PTPRD: variants seen among roughly 807,000 people sequenced by gnomAD.
The protein encoded by PTPRD is protein tyrosine phosphatase receptor type D.
Under a neutral mutation model 214.5 loss-of-function variants are expected in PTPRD, and 34 were observed. The observed-to-expected ratio is 0.16, with a 90% CI of 0.12 to 0.21. The LOEUF (loss-of-function observed/expected upper bound fraction) is 0.21, where lower values mean the gene tolerates loss of function less well. Among genes scored for constraint, PTPRD ranks in the 10% least tolerant of loss-of-function variants. The pLI is 1.00. For synonymous variants in PTPRD, 1,128 were observed against 845.7 expected (o/e 1.33, Z -5.79); for missense variants, 2,545 against 2,398.7 (o/e 1.06, Z -1.27).
At chr9:9,384,566 A>C (rs191287440) in intron 9 of PTPRD, among the ~76,000 whole-genome samples, 1 of 151,308 alleles carries the variant, frequency 6.6e-6, no homozygotes, top group East Asian at 1.9e-4. Flanking sequence ...ACTTGTAACA[A>C]CTTTTCTAAT....
intron 4 of PTPRD, among the ~76,000 whole-genome samples, chr9:9,960,074 T>G (rs984525325): frequency 6.6e-6 from 1 of 151,950 alleles, no homozygotes; most frequent in Non-Finnish European, 1.5e-5. Context: ...AAAAAGAAAT[T>G]AGGGCTCCTT....
rs181926102 is a variant in PTPRD, at chr9:10,001,670, T to C, written c.-472+32048A>G. Among the ~76,000 whole-genome samples, 282 of 152,140 alleles carry C rather than the reference T, an allele frequency of 1.9e-3. 2 individuals carry two copies. The highest frequency in any genetic ancestry group is 6.3e-3 in the African/African-American group (260 of 41,532). On this transcript the variant is annotated intron_variant, in intron 4 of 45. Coordinates refer to ENST00000381196, the MANE Select transcript of PTPRD (RefSeq NM_002839.4). ...CCTAACAAAATTATTTTTTAAAACA[T>C]AGGAGAAATAATAAAATAAATGGTT...
chr9:10,051,988 A>T (rs934676830), intron 3 of PTPRD, among the ~76,000 whole-genome samples: 1 of 152,060 alleles, frequency 6.6e-6, no homozygotes, highest in Non-Finnish European at 1.5e-5. Context: ...TCTGTTACCC[A>T]GGCTGGAGTA....
intron 3 of PTPRD, among the ~76,000 whole-genome samples, chr9:10,080,416 T>G (rs2098217116): frequency 6.6e-6 from 1 of 152,128 alleles, no homozygotes; most frequent in Non-Finnish European, 1.5e-5. Context: ...AAACCACTTG[T>G]CATTGCTACA....
intron 4 of PTPRD, among the ~76,000 whole-genome samples, chr9:9,966,725 T>TTTA (rs2094729012): frequency 6.6e-6 from 1 of 152,110 alleles, no homozygotes; most frequent in South Asian, 2.1e-4. Flanking sequence ...GTACACTCCT[T>TTTA]CGGTCAGTGT....
At chr9:9,498,712 T>A (rs1309841379) in intron 8 of PTPRD, among the ~76,000 whole-genome samples, 5 of 152,238 alleles carry the variant, frequency 3.3e-5, no homozygotes, top group African/African-American at 1.2e-4. Context: ...ATTTTGCCAC[T>A]GACTTGAGAA....
intron 4 of PTPRD, among the ~76,000 whole-genome samples, chr9:9,983,877 G>A (rs10732367): frequency 6.6e-6 from 1 of 151,448 alleles, no homozygotes; most frequent in East Asian, 1.9e-4. Flanking sequence ...GCAGTTCACC[G>A]ATTTATTCAT....
intron 3 of PTPRD, among the ~76,000 whole-genome samples, chr9:10,150,984 T>C (rs2099056743): frequency 6.6e-6 from 1 of 151,888 alleles, no homozygotes; most frequent in Non-Finnish European, 1.5e-5. Context: ...CTGCATTGTA[T>C]GAGGTGAGTT....
intron 9 of PTPRD, among the ~76,000 whole-genome samples, chr9:9,322,568 C>T (rs1283867003): frequency 2.6e-5 from 4 of 152,156 alleles, no homozygotes; most frequent in Admixed American, 6.6e-5. Context: ...GCATCCAGCA[C>T]ATTTATACAG....
intron 5 of PTPRD, among the ~76,000 whole-genome samples, chr9:9,825,263 C>T: frequency 6.6e-6 from 1 of 151,210 alleles, no homozygotes; most frequent in East Asian, 1.9e-4. Flanking sequence ...GATTTAAGAG[C>T]TTCTCAACCT....
intron 39 of PTPRD, among the ~76,000 whole-genome samples, chr9:8,358,327 C>T (rs764632622): frequency 6.6e-6 from 1 of 151,662 alleles, no homozygotes; most frequent in African/African-American, 2.4e-5. Flanking sequence ...ATAGTTTAAA[C>T]ATAATTTAAA....
Position 8,316,207 on chromosome 9 carries a change from G to A in PTPRD, c.*1667C>T. 1 of 229,368 alleles carries A rather than the reference G, an allele frequency of 4.4e-6. No individual in the cohort carries two copies. The highest frequency in any genetic ancestry group is 8.7e-6 in the Non-Finnish European group (1 of 115,424). 14.2% of individuals were successfully genotyped at this position (229,368 alleles called of 1,614,324 possible). On this transcript the variant is annotated 3_prime_UTR_variant, in exon 46 of 46. Transcript: ENST00000381196. Reference sequence around the variant, plus strand: ...CCCGACTTGGCTGAAAACTAGGAATGCATATTATTCAAAGAGTTTTTGTAC... The same window carrying A: ...CCCGACTTGGCTGAAAACTAGGAATACATATTATTCAAAGAGTTTTTGTAC...
At chr9:8,864,909 G>T (rs1239230822) in intron 11 of PTPRD, among the ~76,000 whole-genome samples, 1 of 152,136 alleles carries the variant, frequency 6.6e-6, no homozygotes, top group African/African-American at 2.4e-5. Flanking sequence ...TTCTGTTCTT[G>T]TCTTACACTT....
chr9:10,285,784 G>T (rs1416057299), intron 3 of PTPRD, among the ~76,000 whole-genome samples: 1 of 151,688 alleles, frequency 6.6e-6, no homozygotes, highest in Non-Finnish European at 1.5e-5. Flanking sequence ...CTAACTTTTT[G>T]TATTTTTAGT....
At chr9:8,869,030 A>G (rs1217173315) in intron 11 of PTPRD, among the ~76,000 whole-genome samples, 2 of 152,170 alleles carry the variant, frequency 1.3e-5, no homozygotes, top group Non-Finnish European at 2.9e-5. Context: ...CTAAATTCCA[A>G]CCACCCTACC....
intron 2 of PTPRD, among the ~76,000 whole-genome samples, chr9:10,355,164 A>C (rs910033507): frequency 5.9e-5 from 9 of 152,154 alleles, no homozygotes; most frequent in Non-Finnish European, 1.3e-4. Flanking sequence ...ATTTACTTCA[A>C]AGTTTTTTTC....
chr9:10,170,097 A>G (rs1158207249), intron 3 of PTPRD, among the ~76,000 whole-genome samples: 2 of 152,216 alleles, frequency 1.3e-5, no homozygotes, highest in African/African-American at 4.8e-5. Context: ...ATTTCAAAGA[A>G]TGATAGAGAA....
At chr9:10,360,384 A>C (rs149353561) in intron 2 of PTPRD, among the ~76,000 whole-genome samples, 270 of 152,352 alleles carry the variant, frequency 1.8e-3, no homozygotes, top group African/African-American at 6.3e-3. Context: ...ATATCAGACA[A>C]TGTCATGCCA....
chr9:9,132,200 G>A (rs1222106813), intron 10 of PTPRD, among the ~76,000 whole-genome samples: 1 of 152,176 alleles, frequency 6.6e-6, no homozygotes. Context: ...TGGTAGAGAG[G>A]GGGTTTCACC....
Sources: gnomAD v4.1 joint callset for allele counts (sites outside exome capture counted in the v4.1 genomes callset) on GRCh38, gnomAD v4.1.1 for gene constraint, MANE v1.5 for transcripts, NCBI Gene and HGNC (gene_info 2026-07-23, HGNC 2026-07-21) for gene names.